The following TRPC7 variants were observed in gnomAD, a reference collection of about 807,000 sequenced individuals.
TRPC7 encodes the protein transient receptor potential cation channel subfamily C member 7, also known as short transient receptor potential channel 7.
In TRPC7, 42 loss-of-function variants were observed where a neutral mutation model predicts 90.1. The observed-to-expected ratio is 0.47, with a 90% CI of 0.36 to 0.60. TRPC7 has a LOEUF of 0.60. TRPC7 is among the 20% of genes least tolerant of loss of function. The pLI is 0.00. For missense variants in TRPC7, 955 were observed against 1,112.3 expected, an observed-to-expected ratio of 0.86 and a Z score of 2.01; for synonymous variants, 451 against 436.3, an observed-to-expected ratio of 1.03 and a Z score of -0.42.
chr5:136,257,649 G>T (rs777159615), intron 5 of TRPC7, among the ~76,000 whole-genome samples: 5 of 152,090 alleles, frequency 3.3e-5, no homozygotes, highest in Non-Finnish European at 7.4e-5. Flanking sequence ...GGCAGAACCA[G>T]CCCCCTCCTT....
chr5:136,329,817 G>A (rs1045633913), intron 2 of TRPC7, among the ~76,000 whole-genome samples: 4 of 152,102 alleles, frequency 2.6e-5, no homozygotes, highest in African/African-American at 7.2e-5. Context: ...GTTCTCTCTC[G>A]TGGAACTCCT....
At chr5:136,276,211 A>G (rs368041917) in intron 3 of TRPC7, among the ~76,000 whole-genome samples, 1 of 152,150 alleles carries the variant, frequency 6.6e-6, no homozygotes, top group Non-Finnish European at 1.5e-5. Context: ...TTTTTTCCCC[A>G]TGACAGGAGG....
chr5:136,342,106 A>AC (rs1759864537), intron 2 of TRPC7, among the ~76,000 whole-genome samples: 1 of 152,014 alleles, frequency 6.6e-6, no homozygotes, highest in Non-Finnish European at 1.5e-5. Flanking sequence ...TTCCTTTCTA[A>AC]CCCCTAATGT....
intron 7 of TRPC7, among the ~76,000 whole-genome samples, chr5:136,246,331 C>T (rs988794204): frequency 1.3e-5 from 2 of 152,340 alleles, no homozygotes; most frequent in Admixed American, 6.5e-5. Flanking sequence ...TGCAACCACT[C>T]GCAGACCTGC....
intron 4 of TRPC7, among the ~76,000 whole-genome samples, chr5:136,270,780 G>A (rs749446672): frequency 4.6e-5 from 7 of 152,170 alleles, no homozygotes; most frequent in Non-Finnish European, 1.0e-4. Context: ...ATCAGCTTCC[G>A]GCACTCTTTA....
At chr5:136,252,482 A>G (rs1009523659) in intron 5 of TRPC7, among the ~76,000 whole-genome samples, 1 of 152,166 alleles carries the variant, frequency 6.6e-6, no homozygotes, top group Non-Finnish European at 1.5e-5. Flanking sequence ...TTAAAGATAT[A>G]TGTCCTCATT....
chr5:136,327,163 T>C (rs149552082), intron 2 of TRPC7, among the ~76,000 whole-genome samples: 157 of 152,262 alleles, frequency 1.0e-3, no homozygotes, highest in African/African-American at 3.6e-3. Flanking sequence ...TGTGTATATA[T>C]TGAGGTGCCA....
Position 136,300,647 on chromosome 5 carries a change from T to A in TRPC7, c.963+14950A>T, listed in dbSNP as rs557596145. On this transcript the variant is annotated intron_variant, in intron 3 of 11. Transcript: ENST00000513104. The stretch of plus-strand genomic sequence containing the variant: ...TTTCCTGGATAGCTCTTTTCCAGAG[T>A]GACAAACCCCAAAGGGACACGGGTC... Among the ~76,000 whole-genome samples the A allele has an allele frequency of 2.0e-5, 3 of 152,248 alleles. No individual in the cohort carries two copies. In the South Asian group the frequency reaches 6.2e-4, roughly 32 times the overall value.
At chr5:136,216,036 G>T (rs1422048392) in intron 11 of TRPC7, among the ~76,000 whole-genome samples, 164 bp downstream of exon 11, 1 of 152,092 alleles carries the variant, frequency 6.6e-6, no homozygotes, top group Non-Finnish European at 1.5e-5. Context: ...GCAGCCCCGT[G>T]GAAATGCACT....
chr5:136,308,627 G>A (rs1758725909), intron 3 of TRPC7, among the ~76,000 whole-genome samples: 1 of 152,208 alleles, frequency 6.6e-6, no homozygotes, highest in Non-Finnish European at 1.5e-5. Flanking sequence ...ACAGAGCCCA[G>A]CAGAGGGCAT....
At chr5:136,264,152 G>A (rs10479115) in intron 5 of TRPC7, among the ~76,000 whole-genome samples, 2,384 of 152,272 alleles carry the variant, frequency 0.016, 63 homozygotes, top group African/African-American at 0.054. Flanking sequence ...ACAAGTTGGG[G>A]TTCCTATAGC....
At chr5:136,269,096 C>T (rs1007668717) in intron 4 of TRPC7, among the ~76,000 whole-genome samples, 28 of 152,232 alleles carry the variant, frequency 1.8e-4, no homozygotes, top group African/African-American at 6.3e-4. Context: ...CAGGTATCAG[C>T]GTTAGGTGTA....
intron 1 of TRPC7, among the ~76,000 whole-genome samples, chr5:136,362,741 GTCTT>G (rs1165759179): frequency 2.0e-5 from 3 of 151,960 alleles, no homozygotes; most frequent in Non-Finnish European, 2.9e-5. Flanking sequence ...TCTTCTTTTT[GTCTT>G]TCTGTTTTTT....
chr5:136,328,044 A>G (rs1030615593), intron 2 of TRPC7, among the ~76,000 whole-genome samples: 5 of 152,158 alleles, frequency 3.3e-5, no homozygotes, highest in Non-Finnish European at 5.9e-5. Context: ...GATACAATTA[A>G]TTGTTTCATT....
At chr5:136,245,293 GAC>G (rs1401601146) in intron 7 of TRPC7, among the ~76,000 whole-genome samples, 2 of 152,212 alleles carry the variant, frequency 1.3e-5, no homozygotes, top group East Asian at 3.8e-4. Context: ...CTATTCTCTT[GAC>G]ACACAAACTA....
At chr5:136,346,561 C>T (rs1164804191) in intron 2 of TRPC7, among the ~76,000 whole-genome samples, 3 of 152,322 alleles carry the variant, frequency 2.0e-5, no homozygotes, top group African/African-American at 7.2e-5. Flanking sequence ...TGTACACATA[C>T]ACACAACACA....
At chr5:136,245,357 C>T (rs189315461) in intron 7 of TRPC7, among the ~76,000 whole-genome samples, 1 of 152,212 alleles carries the variant, frequency 6.6e-6, no homozygotes. Flanking sequence ...CAGAGTCCCA[C>T]TCTTTTAGGT....
chr5:136,252,127 G>A (rs550824974), intron 5 of TRPC7, among the ~76,000 whole-genome samples: 2 of 152,276 alleles, frequency 1.3e-5, no homozygotes, highest in South Asian at 4.2e-4. Flanking sequence ...TTCATTCGTT[G>A]ATAGATTCTT....
At chr5:136,255,595 T>C (rs1756664133) in intron 5 of TRPC7, among the ~76,000 whole-genome samples, 1 of 152,240 alleles carries the variant, frequency 6.6e-6, no homozygotes, top group Admixed American at 6.5e-5. Flanking sequence ...GGACTTTCTT[T>C]GTTGGGATAC....
Sources: gnomAD v4.1 joint callset for allele counts (sites outside exome capture counted in the v4.1 genomes callset) on GRCh38, gnomAD v4.1.1 for gene constraint, MANE v1.5 for transcripts, NCBI Gene and HGNC (gene_info 2026-07-23, HGNC 2026-07-21) for gene names.